Variants in PARD3B observed in about 807,000 individuals in gnomAD.
PARD3B encodes par-3 family cell polarity regulator beta, also known as partitioning defective 3 homolog B.
PARD3B carries 103 observed loss-of-function variants against 130.2 expected under a neutral mutation model. The ratio of observed to expected loss-of-function variants is 0.79; its 90% CI spans 0.67 to 0.93. The LOEUF (loss-of-function observed/expected upper bound fraction) is 0.93, where lower values mean the gene tolerates loss of function less well. Among genes scored for constraint, PARD3B ranks in the 40% least tolerant of loss-of-function variants. PARD3B has a pLI of 0.00. For missense variants in PARD3B, 1,609 were observed against 1,499.2 expected (o/e 1.07, Z -1.21); for synonymous variants, 583 against 553.2 (o/e 1.05, Z -0.76).
intron 2 of PARD3B, among the ~76,000 whole-genome samples, chr2:204,842,398 A>G (rs1032551051): frequency 4.6e-5 from 7 of 152,100 alleles, no homozygotes; most frequent in Non-Finnish European, 8.8e-5. Flanking sequence ...CATTTCCTTT[A>G]AAGAATAATA....
intron 1 of PARD3B, among the ~76,000 whole-genome samples, chr2:204,548,799 A>T (rs1345242235): frequency 6.6e-6 from 1 of 152,208 alleles, no homozygotes; most frequent in African/African-American, 2.4e-5. Context: ...CAACTATGAA[A>T]AATATTCCTC....
chr2:205,411,492 G>A (rs2046596548), intron 19 of PARD3B, among the ~76,000 whole-genome samples: 1 of 152,132 alleles, frequency 6.6e-6, no homozygotes, highest in African/African-American at 2.4e-5. Context: ...TGAGAAACCT[G>A]TCTTTCAGAT....
intron 3 of PARD3B, among the ~76,000 whole-genome samples, chr2:204,966,889 G>A (rs754582161): frequency 2.0e-5 from 3 of 152,004 alleles, no homozygotes; most frequent in Non-Finnish European, 2.9e-5. Context: ...TTTAAGCCTC[G>A]TCATACTTAA....
Position 205,125,706 on chromosome 2 carries a change from G to A in PARD3B, c.1403G>A (p.Arg468His), listed in dbSNP as rs202130832. The A allele has an allele frequency of 4.3e-5, 70 of 1,613,936 alleles. No individual in the cohort carries two copies. The highest frequency in any genetic ancestry group is 5.3e-5 in the Non-Finnish European group (63 of 1,180,018). ...GAGACAGCATCGCTGGTCATTGCCC[G>A]CCAAGAAGGACATTTTCTGCCCCGA... ...QGETASLVIA[R>H]QEGHFLPREL... The change falls in exon 10 of 23, where the codon CGC becomes CAC. Residue 468 changes from arginine to histidine, a missense_variant. Arg to His is a conservative substitution (Grantham distance 29). Coordinates refer to ENST00000406610, the MANE Select transcript of PARD3B (RefSeq NM_001302769.2). The surrounding 1 kb of genome is among the most constrained non-coding windows in gnomAD (Gnocchi z 4.0).
chr2:205,301,618 G>A lies in PARD3B; in HGVS notation c.2547G>A (p.Leu849=). The change falls in exon 18 of 23, where the codon TTG becomes TTA. Residue 849 remains leucine (L), a synonymous_variant. Coordinates refer to ENST00000406610, the MANE Select transcript of PARD3B (RefSeq NM_001302769.2). This position sits in a 1 kb window ranked among gnomAD's most constrained non-coding sequence, Gnocchi z 5.2. ...AGAAGAAAAAGGAAAAGGGCAAATTGAAAGTCAAGGAGAAAAAGCGCAAAG... is the reference window on the plus strand; with the variant it reads ...AGAAGAAAAAGGAAAAGGGCAAATTAAAAGTCAAGGAGAAAAAGCGCAAAG... ...EKEKKKEKGK[L]KVKEKKRKEE... The A allele has an allele frequency of 6.2e-7, 1 of 1,613,490 alleles. No individual in the cohort carries two copies. The highest frequency in any genetic ancestry group is 8.5e-7 in the Non-Finnish European group (1 of 1,179,632).
chr2:204,932,898 G>C (rs1034368092), intron 2 of PARD3B, among the ~76,000 whole-genome samples: 4 of 152,132 alleles, frequency 2.6e-5, no homozygotes, highest in Non-Finnish European at 4.4e-5. Flanking sequence ...TAACCCCAGG[G>C]TAATGCCACT....
intron 18 of PARD3B, among the ~76,000 whole-genome samples, chr2:205,389,720 A>G (rs1037030659): frequency 1.9e-4 from 29 of 152,232 alleles, no homozygotes; most frequent in African/African-American, 6.5e-4. Context: ...TAGAGAGCAA[A>G]GCAACAACTT....
At chr2:204,745,260 T>G (rs1333334685) in intron 2 of PARD3B, among the ~76,000 whole-genome samples, 1 of 152,124 alleles carries the variant, frequency 6.6e-6, no homozygotes, top group Non-Finnish European at 1.5e-5. Flanking sequence ...AACTTGTGTT[T>G]TGCGGCTCTT....
At chr2:204,780,467 AG>A in intron 2 of PARD3B, among the ~76,000 whole-genome samples, 1 of 152,310 alleles carries the variant, frequency 6.6e-6, no homozygotes, top group East Asian at 1.9e-4. Flanking sequence ...ACATAATAGA[AG>A]TGTGTTCTAA....
At chr2:204,632,258 C>T (rs1013716301) in intron 1 of PARD3B, among the ~76,000 whole-genome samples, 1 of 152,144 alleles carries the variant, frequency 6.6e-6, no homozygotes, top group Admixed American at 6.5e-5. Flanking sequence ...TTGTAAGTTT[C>T]CTAAGGCCTC....
At chr2:205,514,165 T>C (rs1197049863) in intron 21 of PARD3B, among the ~76,000 whole-genome samples, 1 of 152,166 alleles carries the variant, frequency 6.6e-6, no homozygotes, top group Non-Finnish European at 1.5e-5. Context: ...GTAGATTTTC[T>C]AACAACTGTG....
chr2:205,261,289 A>G (rs952937340), intron 16 of PARD3B, among the ~76,000 whole-genome samples: 1 of 151,972 alleles, frequency 6.6e-6, no homozygotes, highest in Non-Finnish European at 1.5e-5. Context: ...TAAAAGACTG[A>G]ATTCAAATAA....
At chr2:205,209,350 A>C (rs1230167939) in intron 15 of PARD3B, among the ~76,000 whole-genome samples, 1 of 152,050 alleles carries the variant, frequency 6.6e-6, no homozygotes, top group Non-Finnish European at 1.5e-5. Context: ...CAATGGCAAC[A>C]AAAGACAAAA....
intron 2 of PARD3B, among the ~76,000 whole-genome samples, chr2:204,735,801 ATGT>A (rs1431516294): frequency 3.9e-5 from 6 of 152,182 alleles, no homozygotes; most frequent in South Asian, 2.1e-4. Context: ...GTGTTGCATC[ATGT>A]TGTTGGCACC....
In PARD3B at chr2:205,104,478, AACT is replaced by A. The variant is rs1443675720; in HGVS notation, c.562_564del (p.Leu188del). On this transcript the variant is annotated inframe_deletion, in exon 5 of 23. Transcript: ENST00000406610. ...GAAGTTTTGAATGGTGTACAGACAG[AACT>A]ACTAACTTCGCCAAGAACTAAGGAC... 3 of 1,600,498 alleles carry A rather than the reference AACT, an allele frequency of 1.9e-6. No individual in the cohort carries two copies. The highest frequency in any genetic ancestry group is 1.7e-4 in the Middle Eastern group (1 of 6,026).
chr2:205,251,960 C>T (rs2039869168), intron 16 of PARD3B, among the ~76,000 whole-genome samples: 1 of 152,046 alleles, frequency 6.6e-6, no homozygotes, highest in Non-Finnish European at 1.5e-5. Flanking sequence ...GTTTATATTT[C>T]CATGGGATTC....
intron 2 of PARD3B, among the ~76,000 whole-genome samples, chr2:204,786,387 T>G (rs2125462991): frequency 6.6e-6 from 1 of 152,226 alleles, no homozygotes; most frequent in African/African-American, 2.4e-5. Context: ...AAACAAAGGA[T>G]GGCTTTCTTG....
In PARD3B at chr2:205,433,016, G is replaced by A. The variant is rs187317766; in HGVS notation, c.2742-7354G>A. On this transcript the variant is annotated intron_variant, in intron 19 of 22. Transcript: ENST00000406610. ...TCATCATTCAAAAAATTTTGGAAGTGTTTTGGTTGCTTGAGAAGGGGTGTG... is the reference window on the plus strand; with the variant it reads ...TCATCATTCAAAAAATTTTGGAAGTATTTTGGTTGCTTGAGAAGGGGTGTG... Among the ~76,000 whole-genome samples the A allele has an allele frequency of 6.3e-3, 964 of 152,168 alleles. 14 individuals are homozygous for A. The highest frequency in any genetic ancestry group is 0.022 in the African/African-American group (918 of 41,518).
At chr2:204,665,258 T>C (rs560504749) in intron 1 of PARD3B, among the ~76,000 whole-genome samples, 7 of 152,262 alleles carry the variant, frequency 4.6e-5, no homozygotes, top group African/African-American at 1.2e-4. Context: ...ATAAGCTATA[T>C]CTTTTGACCA....
Sources: gnomAD v4.1 joint callset for allele counts (sites outside exome capture counted in the v4.1 genomes callset) on GRCh38, gnomAD v4.1.1 for gene constraint, Gnocchi (gnomAD v3.1) non-coding constraint, MANE v1.5 for transcripts, NCBI Gene and HGNC (gene_info 2026-07-23, HGNC 2026-07-21) for gene names.